The following NME7 variants were observed in gnomAD, a reference collection of about 807,000 sequenced individuals.
NME7 encodes the protein NME/NM23 family member 7.
A neutral mutation model predicts 49.1 loss-of-function variants in NME7; 41 were observed. The observed-to-expected ratio is 0.83, with a 90% CI of 0.65 to 1.08. NME7 has a LOEUF of 1.08. Ranked by LOEUF, NME7 falls within the 50% of genes least tolerant of loss-of-function variation. NME7 has a pLI of 0.00. For synonymous variants in NME7, 139 were observed against 150.6 expected, an observed-to-expected ratio of 0.92 and a Z score of 0.56; for missense variants, 423 against 463.4, an observed-to-expected ratio of 0.91 and a Z score of 0.80.
At chr1:169,216,681 A>G (rs1291685471) in intron 10 of NME7, among the ~76,000 whole-genome samples, 1 of 152,250 alleles carries the variant, frequency 6.6e-6, no homozygotes, top group Non-Finnish European at 1.5e-5. Context: ...CAATTAGCAC[A>G]GGAAGTGGGG....
intron 11 of NME7, among the ~76,000 whole-genome samples, chr1:169,168,039 G>A (rs1200083): frequency 0.63 from 96,465 of 151,952 alleles, 30,927 homozygotes; most frequent in East Asian, 0.93. Context: ...AGGGAACGGC[G>A]GTCTCCTAGT....
chr1:169,133,452 T>C (rs3753293), intron 11 of NME7, among the ~76,000 whole-genome samples: 67,429 of 152,012 alleles, frequency 0.44, 15,411 homozygotes, highest in East Asian at 0.8. Flanking sequence ...GAGAGACAGA[T>C]CTGGAGGCCA....
At chr1:169,182,185 A>AAAAAAC (rs1285733861) in intron 10 of NME7, among the ~76,000 whole-genome samples, 27 of 149,038 alleles carry the variant, frequency 1.8e-4, no homozygotes, top group Non-Finnish European at 3.0e-4. Flanking sequence ...AAAAAAAAAA[A>AAAAAAC]AAAACAACTC....
intron 11 of NME7, among the ~76,000 whole-genome samples, chr1:169,149,607 A>G (rs1658853137): frequency 6.6e-6 from 1 of 152,218 alleles, no homozygotes; most frequent in South Asian, 2.1e-4. Flanking sequence ...CAAAAACAGT[A>G]ACAATACAAT....
At chr1:169,317,049 CAAT>C (rs1651657256) in intron 3 of NME7, among the ~76,000 whole-genome samples, 2 of 151,140 alleles carry the variant, frequency 1.3e-5, no homozygotes, top group Non-Finnish European at 3.0e-5. Context: ...ACAAAAATAA[CAAT>C]AATCACAGCA....
intron 8 of NME7, 143 bp downstream of exon 8, chr1:169,237,480 A>G: frequency 2.0e-6 from 1 of 504,622 alleles, no homozygotes; most frequent in Non-Finnish European, 3.5e-6. Context: ...TTTTGACTAC[A>G]GGAAGGTTAC....
intron 11 of NME7, among the ~76,000 whole-genome samples, chr1:169,164,805 TAAG>T (rs1277177593): frequency 2.0e-5 from 3 of 152,232 alleles, no homozygotes; most frequent in Non-Finnish European, 4.4e-5. Context: ...GCTTAGATCC[TAAG>T]AAGTAGAATT....
At chr1:169,145,169 T>G (rs1023057409) in intron 11 of NME7, among the ~76,000 whole-genome samples, 2 of 152,166 alleles carry the variant, frequency 1.3e-5, no homozygotes, top group Admixed American at 1.3e-4. Context: ...CGGAAAGATA[T>G]GTACACTGAT....
chr1:169,164,003 G>A (rs1012399810), intron 11 of NME7, among the ~76,000 whole-genome samples: 3 of 151,686 alleles, frequency 2.0e-5, no homozygotes, highest in African/African-American at 7.3e-5. Context: ...CCAGCTACTC[G>A]GGAGGCTGAG....
intron 6 of NME7, among the ~76,000 whole-genome samples, chr1:169,295,761 ACAC>A (rs1485634864): frequency 1.3e-5 from 2 of 152,126 alleles, no homozygotes; most frequent in African/African-American, 4.8e-5. Context: ...TAGCAATCAC[ACAC>A]CACATTTCCC....
At chr1:169,216,755 T>C (rs1380823535) in intron 10 of NME7, among the ~76,000 whole-genome samples, 1 of 152,190 alleles carries the variant, frequency 6.6e-6, no homozygotes, top group Non-Finnish European at 1.5e-5. Context: ...AAGAATTGAA[T>C]TGAATTAGAG....
chr1:169,263,174 C>T lies in NME7; in HGVS notation c.754+24129G>A, dbSNP rs551737663. 4.5e-4 allele frequency among the ~76,000 whole-genome samples: 60 copies of T among 134,082 alleles called. 16 individuals carry two copies. The highest frequency in any genetic ancestry group is 2.0e-3 in the Admixed American group (27 of 13,710). 88.0% of individuals were successfully genotyped at this position (134,082 alleles called of 152,430 possible). A position where few individuals can be genotyped will look rare whatever the true frequency, so the allele number is the denominator to read the frequency against. On this transcript the variant is annotated intron_variant, in intron 7 of 11. Transcript: ENST00000367811. ...ATGAGAAAGAACCAGTACAAGAACTCTTACAATGGAAAAAGCTGAAGTGCC... is the reference window on the plus strand; with the variant it reads ...ATGAGAAAGAACCAGTACAAGAACTTTTACAATGGAAAAAGCTGAAGTGCC...
chr1:169,259,304 T>C lies in NME7; in HGVS notation c.755-21617A>G, dbSNP rs1231889254. 4.5e-5 allele frequency among the ~76,000 whole-genome samples: 6 copies of C among 133,424 alleles called. 1 individual carries two copies. Among genetic ancestry groups the C allele is most frequent in the African/African-American group, 1.5e-4 (6 of 39,508 alleles). 87.5% of individuals were successfully genotyped at this position (133,424 alleles called of 152,430 possible). A position where few individuals can be genotyped will look rare whatever the true frequency, so the allele number is the denominator to read the frequency against. On this transcript the variant is annotated intron_variant, in intron 7 of 11. Coordinates refer to ENST00000367811, the MANE Select transcript of NME7 (RefSeq NM_013330.5). ...TGACTTTGGAATAAACTTTTCTTTA[T>C]AGTTTACCACCTACATATGAATTCT...
intron 1 of NME7, among the ~76,000 whole-genome samples, chr1:169,352,541 A>T (rs867813404): frequency 6.6e-6 from 1 of 152,240 alleles, no homozygotes; most frequent in Non-Finnish European, 1.5e-5. Flanking sequence ...ATACACTTTC[A>T]CCACTGTTAT....
intron 10 of NME7, among the ~76,000 whole-genome samples, chr1:169,193,624 A>G (rs909929): frequency 0.37 from 56,385 of 152,054 alleles, 11,036 homozygotes; most frequent in East Asian, 0.73. Context: ...TGTGTATTAC[A>G]GAGATAAGGC....
intron 7 of NME7, 73 bp downstream of exon 7, chr1:169,287,230 A>T: frequency 1.6e-6 from 2 of 1,212,592 alleles, no homozygotes; most frequent in Non-Finnish European, 2.4e-6. Context: ...TTTTCTATAC[A>T]TAAAGTACAT....
At chr1:169,234,942 G>A (rs755409463) in intron 9 of NME7, among the ~76,000 whole-genome samples, 189 bp downstream of exon 9, 36 of 152,016 alleles carry the variant, frequency 2.4e-4, no homozygotes, top group African/African-American at 3.6e-4. Context: ...AATTTGGCTC[G>A]CTCTCTCCTG....
intron 7 of NME7, among the ~76,000 whole-genome samples, chr1:169,282,067 C>T (rs1259812246): frequency 1.3e-5 from 2 of 152,162 alleles, no homozygotes; most frequent in Admixed American, 1.3e-4. Context: ...GGCTGTGAAT[C>T]TGTCTGGTCC....
At chr1:169,303,791 ACAAAGG>A (rs1651069172) in intron 4 of NME7, among the ~76,000 whole-genome samples, 1 of 152,120 alleles carries the variant, frequency 6.6e-6, no homozygotes, top group African/African-American at 2.4e-5. Flanking sequence ...CGTTCTAGAA[ACAAAGG>A]TTAATATTTG....
Sources: allele counts gnomAD v4.1 joint callset (sites outside exome capture counted in the v4.1 genomes callset), GRCh38; gene constraint gnomAD v4.1.1; transcripts MANE v1.5; gene names NCBI Gene and HGNC (gene_info 2026-07-23, HGNC 2026-07-21).